ITSN1: variants seen among roughly 807,000 people sequenced by gnomAD.
The protein encoded by ITSN1 is intersectin 1.
Under a neutral mutation model 239.8 loss-of-function variants are expected in ITSN1, and 58 were observed. The ratio of observed to expected loss-of-function variants is 0.24; its 90% CI spans 0.20 to 0.30. The LOEUF (loss-of-function observed/expected upper bound fraction) is 0.30, where lower values mean the gene tolerates loss of function less well. Among genes scored for constraint, ITSN1 ranks in the 10% least tolerant of loss-of-function variants. The pLI, the probability that ITSN1 is intolerant of heterozygous loss-of-function variation, is 1.00. For synonymous variants in ITSN1, 780 were observed against 770.8 expected, an observed-to-expected ratio of 1.01 and a Z score of -0.20; for missense variants, 1,558 against 2,103.3, an observed-to-expected ratio of 0.74 and a Z score of 5.07.
chr21:33,846,805 C>T (rs2075003220), intron 29 of ITSN1, among the ~76,000 whole-genome samples: 1 of 152,160 alleles, frequency 6.6e-6, no homozygotes, highest in African/African-American at 2.4e-5. Context: ...GAGTTTCCCT[C>T]CCCAGGAGGA....
chr21:33,803,474 T>C (rs2072168159), intron 20 of ITSN1, among the ~76,000 whole-genome samples: 1 of 152,108 alleles, frequency 6.6e-6, no homozygotes, highest in African/African-American at 2.4e-5. Flanking sequence ...AGCTAAAAAA[T>C]ACAATGAAGA....
chr21:33,657,420 C>G (rs1183491181), intron 1 of ITSN1, among the ~76,000 whole-genome samples: 1 of 152,200 alleles, frequency 6.6e-6, no homozygotes, highest in Admixed American at 6.5e-5. Context: ...ACATTTAGGA[C>G]TTCCCAATTC....
At chr21:33,820,410 A>C (rs186133998) in intron 24 of ITSN1, among the ~76,000 whole-genome samples, 1 of 152,252 alleles carries the variant, frequency 6.6e-6, no homozygotes, top group South Asian at 2.1e-4. Context: ...AACCAATTCT[A>C]TAGTAATTCT....
At chr21:33,701,365 T>A (rs1364666186) in intron 1 of ITSN1, among the ~76,000 whole-genome samples, 2 of 152,196 alleles carry the variant, frequency 1.3e-5, no homozygotes, top group East Asian at 3.9e-4. Context: ...ACTCAAGTGA[T>A]CTCCCTGCTT....
chr21:33,745,206 G>A (rs921939848), intron 5 of ITSN1, among the ~76,000 whole-genome samples: 16 of 152,162 alleles, frequency 1.1e-4, no homozygotes, highest in Admixed American at 9.2e-4. Flanking sequence ...ATGTAGCTGC[G>A]TATTTGCAGG....
chr21:33,704,000 A>G (rs1199380098), intron 1 of ITSN1, among the ~76,000 whole-genome samples: 2 of 152,150 alleles, frequency 1.3e-5, no homozygotes, highest in Non-Finnish European at 2.9e-5. Context: ...CCTCAGAGAG[A>G]AGAATGCCTT....
At chr21:33,777,150 T>C (rs969582848) in intron 14 of ITSN1, among the ~76,000 whole-genome samples, 43 of 152,212 alleles carry the variant, frequency 2.8e-4, no homozygotes, top group African/African-American at 1.0e-3. Context: ...TTTTTGCAGA[T>C]AGTATAAGGT....
chr21:33,806,453 A>G (rs1333407970), intron 20 of ITSN1, among the ~76,000 whole-genome samples: 1 of 152,224 alleles, frequency 6.6e-6, no homozygotes, highest in East Asian at 1.9e-4. Context: ...TTTTAGAAAT[A>G]TTAATCTTAC....
intron 31 of ITSN1, among the ~76,000 whole-genome samples, chr21:33,862,491 G>C (rs549350111): frequency 6.6e-6 from 1 of 152,206 alleles, no homozygotes; most frequent in Non-Finnish European, 1.5e-5. Flanking sequence ...GGGAGAAGGA[G>C]AAGAGGGAAG....
At position 33,894,522 on chromosome 21, in the gene ITSN1, A is replaced by C. The variant is rs2148589318; in HGVS notation, c.*6222A>C. On this transcript the variant is annotated 3_prime_UTR_variant, in exon 40 of 40. Transcript: ENST00000381318. Reference sequence around the variant, plus strand: ...AAGCCCACCAGATAAAGCTGTGTTCAGAAGTGGACTTTTTGGTCAGCCTTG... The same window carrying C: ...AAGCCCACCAGATAAAGCTGTGTTCCGAAGTGGACTTTTTGGTCAGCCTTG... 1 of 152,234 alleles carries C rather than the reference A, an allele frequency of 6.6e-6. No homozygotes were observed. Among genetic ancestry groups the C allele is most frequent in the East Asian group, 1.9e-4 (1 of 5,182 alleles). 9.4% of individuals were successfully genotyped at this position (152,234 alleles called of 1,614,324 possible). A position where few individuals can be genotyped will look rare whatever the true frequency, so the allele number is the denominator to read the frequency against.
In ITSN1 at chr21:33,750,314, C is replaced by T. The variant is rs2067464746; in HGVS notation, c.518C>T (p.Ala173Val). The change falls in exon 6 of 40, where the codon GCT (alanine) becomes GTT (valine). Residue 173 changes from alanine to valine, a missense_variant. Coordinates refer to ENST00000381318, the MANE Select transcript of ITSN1 (RefSeq NM_003024.3). ...GTTATACAACCTCTGCCTGCATTTG[C>T]TCATCCTGGTATGTGACTTGCTGAA... The part of the protein sequence containing the change: ...PPVIQPLPAF[A>V]HPAATLPKSS... 2.5e-6 allele frequency: 4 copies of T among 1,612,860 alleles called. No individual in the cohort carries two copies. The highest frequency in any genetic ancestry group is 1.1e-5 in the South Asian group (1 of 91,032).
At chr21:33,657,055 G>C (rs1264095518) in intron 1 of ITSN1, among the ~76,000 whole-genome samples, 1 of 152,112 alleles carries the variant, frequency 6.6e-6, no homozygotes, top group African/African-American at 2.4e-5. Flanking sequence ...TTTAGATTCA[G>C]AGGGTACATG....
intron 16 of ITSN1, among the ~76,000 whole-genome samples, chr21:33,782,477 G>T (rs1011776544): frequency 4.6e-5 from 7 of 152,080 alleles, no homozygotes; most frequent in Non-Finnish European, 1.0e-4. Flanking sequence ...TTAAAACTAA[G>T]AATTTTTCTG....
chr21:33,677,924 T>C (rs1161116795), intron 1 of ITSN1, among the ~76,000 whole-genome samples: 2 of 152,238 alleles, frequency 1.3e-5, no homozygotes, highest in African/African-American at 4.8e-5. Context: ...CTGGACGTTG[T>C]CTTGGTTCCA....
chr21:33,697,357 C>T (rs2091842443), intron 1 of ITSN1, among the ~76,000 whole-genome samples: 1 of 150,408 alleles, frequency 6.6e-6, no homozygotes, highest in Non-Finnish European at 1.5e-5. Context: ...ACTGAGATTA[C>T]AGGTGTGAGC....
At chr21:33,670,030 T>C (rs1318944700) in intron 1 of ITSN1, among the ~76,000 whole-genome samples, 1 of 152,168 alleles carries the variant, frequency 6.6e-6, no homozygotes, top group African/African-American at 2.4e-5. Context: ...CCTCTCCATA[T>C]CTTTTTCCAT....
chr21:33,657,873 C>A (rs778930962), intron 1 of ITSN1, among the ~76,000 whole-genome samples: 1 of 152,124 alleles, frequency 6.6e-6, no homozygotes, highest in African/African-American at 2.4e-5. Context: ...GTAGTCCCAG[C>A]TACTAGGGAG....
In ITSN1 at chr21:33,680,684, C is replaced by G. The variant is rs1233004070; in HGVS notation, c.-33+37971C>G. Among the ~76,000 whole-genome samples, 5 of 32,104 alleles carry G rather than the reference C, an allele frequency of 1.6e-4. No homozygotes were observed. In the African/African-American group the frequency reaches 2.3e-3, roughly 15 times the overall value. The allele number at this position is 32,104 out of a possible 152,430, so 21.1% of individuals were successfully genotyped here. On this transcript the variant is annotated intron_variant, in intron 1 of 39. Transcript: ENST00000381318. ...AAGGAAGGTTCCAAATGTCTGAAGT[C>G]CACCAAATGTCTGAAGTCCTGCCCA...
chr21:33,820,636 AT>A (rs909888589), intron 24 of ITSN1, among the ~76,000 whole-genome samples: 1 of 152,070 alleles, frequency 6.6e-6, no homozygotes, highest in Non-Finnish European at 1.5e-5. Context: ...TAAAGTAAGA[AT>A]TTTTTTTAGT....
Sources: allele counts gnomAD v4.1 joint callset (sites outside exome capture counted in the v4.1 genomes callset), GRCh38; gene constraint gnomAD v4.1.1; transcripts MANE v1.5; gene names NCBI Gene and HGNC (gene_info 2026-07-23, HGNC 2026-07-21).